Variants in SOAT1 observed in about 807,000 individuals in gnomAD.
SOAT1 encodes the protein acyl-coenzyme A:cholesterol acyltransferase 1.
SOAT1 carries 55 observed loss-of-function variants against 69.5 expected under a neutral mutation model. That is an observed-to-expected ratio of 0.79 (90% confidence interval 0.64 to 0.99). SOAT1 has a LOEUF of 0.99. Among genes scored for constraint, SOAT1 ranks in the 50% least tolerant of loss-of-function variants. The pLI is 0.00. For missense variants in SOAT1, 580 were observed against 669.3 expected (o/e 0.87, Z 1.47); for synonymous variants, 231 against 224.7 (o/e 1.03, Z -0.25).
chr1:179,344,351 GGGTTTT>G (rs1666446826), intron 10 of SOAT1, among the ~76,000 whole-genome samples: 1 of 4,406 alleles, frequency 2.3e-4, no homozygotes, highest in Admixed American at 2.9e-3. Flanking sequence ...TTTCATTAAG[GGGTTTT>G]TTTTTTTTTT....
In SOAT1 at chr1:179,341,142, A is replaced by G. The variant is rs878860671; in HGVS notation, c.612A>G (p.Gln204=). 1 of 1,613,994 alleles carries G rather than the reference A, an allele frequency of 6.2e-7. No individual in the cohort carries two copies. Among genetic ancestry groups the G allele is most frequent in the Non-Finnish European group, 8.5e-7 (1 of 1,180,004 alleles). ...STFSVPYFLF[Q]HWATGYSKSS... ...TTTCAGTTCCCTATTTTCTGTTTCA[A>G]CATTGGGCCACTGGCTATAGCAAGA... The change falls in exon 7 of 16, where the codon CAA becomes CAG. Residue 204 remains glutamine, a synonymous_variant. Transcript: ENST00000367619.
chr1:179,322,726 T>C (rs1278493017), intron 2 of SOAT1, among the ~76,000 whole-genome samples: 1 of 152,204 alleles, frequency 6.6e-6, no homozygotes, highest in Admixed American at 6.5e-5. Context: ...GAGGGGGTTA[T>C]GATTTCTTGG....
At position 179,302,726 on chromosome 1, in the gene SOAT1, A is replaced by G. The variant is rs1664874636; in HGVS notation, c.42A>G (p.Ser14=). The G allele has an allele frequency of 1.2e-6, 2 of 1,610,564 alleles. No individual in the cohort carries two copies. Among genetic ancestry groups the G allele is most frequent in the African/African-American group, 1.3e-5 (1 of 74,588 alleles). Reference sequence around the variant, plus strand: ...AGATGTCTCTAAGAAACCGGCTGTCAAAGTCCAGGGAAAATCCTGAGGAAG... The same window carrying G: ...AGATGTCTCTAAGAAACCGGCTGTCGAAGTCCAGGGAAAATCCTGAGGAAG... ...EEKMSLRNRL[S]KSRENPEEDE... Residue 14 remains serine (S), a synonymous_variant, in exon 2 of 16, where the codon TCA becomes TCG. Transcript: ENST00000367619.
intron 2 of SOAT1, among the ~76,000 whole-genome samples, chr1:179,310,713 A>G (rs940481906): frequency 6.6e-6 from 1 of 152,250 alleles, no homozygotes; most frequent in Admixed American, 6.5e-5. Flanking sequence ...TGTAGGTATT[A>G]TAAGACACGG....
intron 15 of SOAT1, 139 bp downstream of exon 15, chr1:179,351,601 A>G: frequency 1.3e-6 from 1 of 756,866 alleles, no homozygotes; most frequent in Non-Finnish European, 2.1e-6. Flanking sequence ...GAGTAAAAGC[A>G]TTAGTTTATC....
intron 12 of SOAT1, 56 bp from the exon 13 acceptor site, chr1:179,348,777 TGTGTGTGTGTG>T (rs1666619872): frequency 6.1e-5 from 7 of 114,252 alleles, no homozygotes; most frequent in Non-Finnish European, 9.4e-5. Context: ...TGTGTGTGTG[TGTGTGTGTGTG>T]TGTGTGTGTG....
At chr1:179,344,125 AAAAAAGAATGT>A (rs1666437846) in intron 10 of SOAT1, among the ~76,000 whole-genome samples, 1 of 152,170 alleles carries the variant, frequency 6.6e-6, no homozygotes, top group Non-Finnish European at 1.5e-5. Context: ...CATCTAAAAA[AAAAAAGAATGT>A]ATTATTTATA....
intron 2 of SOAT1, among the ~76,000 whole-genome samples, chr1:179,314,030 G>A (rs1298846100): frequency 2.0e-5 from 3 of 152,198 alleles, no homozygotes; most frequent in Admixed American, 1.3e-4. Context: ...ATCTGACTGA[G>A]CTTCAGGCCT....
chr1:179,329,213 C>T (rs1020233670), intron 3 of SOAT1, among the ~76,000 whole-genome samples: 6 of 151,916 alleles, frequency 3.9e-5, no homozygotes, highest in Admixed American at 1.3e-4. Context: ...GTGACACATG[C>T]CTATAATCCT....
rs1162260815 is a variant in SOAT1, at chr1:179,299,745, C to CTTTTTTTTTTTTTTTTT, written c.-8-2922_-8-2906dup. On this transcript the variant is annotated intron_variant, in intron 1 of 15. Transcript: ENST00000367619. ...ATTTATTTTTTAATCATTTTGCTAT[C>CTTTTTTTTTTTTTTTTT]TTTTTTTTTTTTTTTTTTTTTTTTT... is the stretch of plus-strand genomic sequence containing the variant. Among the ~76,000 whole-genome samples the CTTTTTTTTTTTTTTTTT allele has an allele frequency of 8.6e-5, 6 of 69,520 alleles. 2 individuals carry two copies. Among genetic ancestry groups the CTTTTTTTTTTTTTTTTT allele is most frequent in the Non-Finnish European group, 1.3e-4 (5 of 39,850 alleles). The allele number at this position is 69,520 out of a possible 152,430, so 45.6% of individuals were successfully genotyped here.
chr1:179,296,991 T>C (rs761060430), intron 1 of SOAT1, among the ~76,000 whole-genome samples: 1 of 152,214 alleles, frequency 6.6e-6, no homozygotes, highest in Non-Finnish European at 1.5e-5. Flanking sequence ...TATAAATAGC[T>C]GTCTACTTAG....
intron 2 of SOAT1, among the ~76,000 whole-genome samples, chr1:179,309,023 G>A (rs1271855660): frequency 6.6e-6 from 1 of 152,158 alleles, no homozygotes; most frequent in Non-Finnish European, 1.5e-5. Flanking sequence ...AGTATTACAA[G>A]CAGTGCTACA....
intron 2 of SOAT1, among the ~76,000 whole-genome samples, chr1:179,313,953 G>C (rs1665307604): frequency 6.6e-6 from 1 of 152,162 alleles, no homozygotes; most frequent in Non-Finnish European, 1.5e-5. Context: ...AAGTAGATAA[G>C]CTTCCCTTAG....
chr1:179,341,069 A>C lies in SOAT1; in HGVS notation c.539A>C (p.Lys180Thr). ...EFSLLSYAFGKFPTVVWTWWI... is the reference protein window; with the variant it reads ...EFSLLSYAFGTFPTVVWTWWI... ...AGCCTCCTGTCTTATGCTTTTGGCA[A>C]ATTTCCTACCGTTGTTTGGACCTGG... The change falls in exon 7 of 16, where the codon AAA (lysine) becomes ACA (threonine). Residue 180 changes from lysine (K) to threonine (T), a missense_variant. Physicochemically the swap from Lys to Thr is moderately conservative, Grantham distance 78. Transcript: ENST00000367619. 6.2e-7 allele frequency: 1 copy of C among 1,613,952 alleles called. No homozygotes were observed. The highest frequency in any genetic ancestry group is 8.5e-7 in the Non-Finnish European group (1 of 1,179,990).
intron 11 of SOAT1, among the ~76,000 whole-genome samples, chr1:179,347,355 C>G (rs1400710892): frequency 1.6e-5 from 1 of 63,404 alleles, no homozygotes; most frequent in Non-Finnish European, 2.9e-5. Context: ...AGGACTCTGT[C>G]TCAAAAAAGA....
At position 179,357,701 on chromosome 1, in the gene SOAT1, C is replaced by T. The variant is rs1415048070; in HGVS notation, c.*4060C>T. 6.6e-5 allele frequency: 10 copies of T among 152,376 alleles called. No homozygotes were observed. Among genetic ancestry groups the T allele is most frequent in the Non-Finnish European group, 4.4e-5 (3 of 68,128 alleles). The allele number at this position is 152,376 out of a possible 1,614,324, so 9.4% of individuals were successfully genotyped here. A position where few individuals can be genotyped will look rare whatever the true frequency, so the allele number is the denominator to read the frequency against. On this transcript the variant is annotated 3_prime_UTR_variant, in exon 16 of 16. Coordinates refer to ENST00000367619, the MANE Select transcript of SOAT1 (RefSeq NM_003101.6). ...TTGAGCTCAGAAGTTTGAGACCAGC[C>T]TGGGCAACATAGCAAAACCTTGTCA...
chr1:179,302,024 C>A (rs905524529), intron 1 of SOAT1, among the ~76,000 whole-genome samples: 4 of 111,348 alleles, frequency 3.6e-5, no homozygotes, highest in Non-Finnish European at 7.5e-5. Context: ...ACTATTTAAT[C>A]CTTTTTTTTT....
intron 4 of SOAT1, among the ~76,000 whole-genome samples, chr1:179,336,731 T>A (rs1666170715): frequency 1.3e-5 from 2 of 152,242 alleles, no homozygotes; most frequent in South Asian, 4.1e-4. Flanking sequence ...GCATGGTGGC[T>A]CACGCCTGTA....
At position 179,342,128 on chromosome 1, in the gene SOAT1, G is replaced by A. The variant is rs772441144; in HGVS notation, c.795G>A (p.Met265Ile). 5 of 1,613,496 alleles carry A rather than the reference G, an allele frequency of 3.1e-6. No homozygotes were observed. Among genetic ancestry groups the A allele is most frequent in the Non-Finnish European group, 4.2e-6 (5 of 1,179,700 alleles). Residue 265 changes from methionine to isoleucine, a missense_variant, in exon 8 of 16, where the codon ATG becomes ATA. Transcript: ENST00000367619. ...TGCTTTTGTAGATTCGTTTTGTAAT[G>A]AAGGCCCACTCATTTGTCAGAGAGA... ...IIIFEQIRFV[M>I]KAHSFVRENV...
Sources: allele counts gnomAD v4.1 joint callset (sites outside exome capture counted in the v4.1 genomes callset), GRCh38; gene constraint gnomAD v4.1.1; transcripts MANE v1.5; gene names NCBI Gene and HGNC (gene_info 2026-07-23, HGNC 2026-07-21).